The following NRG3 variants were observed in gnomAD, a reference collection of about 807,000 sequenced individuals.
NRG3 encodes pro-neuregulin-3, membrane-bound isoform.
NRG3 carries 31 observed loss-of-function variants against 66.9 expected under a neutral mutation model. The observed-to-expected ratio is 0.46, with a 90% CI of 0.35 to 0.63. The LOEUF is 0.63. Ranked by LOEUF, NRG3 falls within the 20% of genes least tolerant of loss-of-function variation. The pLI is 0.00. For missense variants in NRG3, 910 were observed against 878.9 expected (o/e 1.04, Z -0.45); for synonymous variants, 393 against 359.4 (o/e 1.09, Z -1.06).
At chr10:82,796,528 C>G (rs772961075) in intron 3 of NRG3, among the ~76,000 whole-genome samples, 1 of 151,738 alleles carries the variant, frequency 6.6e-6, no homozygotes, top group Non-Finnish European at 1.5e-5. Context: ...GAGAGAAAAC[C>G]AAAATTTATC....
intron 2 of NRG3, among the ~76,000 whole-genome samples, chr10:82,418,415 A>G (rs894885046): frequency 2.6e-5 from 4 of 152,212 alleles, no homozygotes; most frequent in East Asian, 1.9e-4. Flanking sequence ...CAAATTAACC[A>G]GTTTATGCAA....
At chr10:82,083,215 C>T (rs1006399951) in intron 1 of NRG3, among the ~76,000 whole-genome samples, 2 of 151,972 alleles carry the variant, frequency 1.3e-5, no homozygotes, top group Admixed American at 6.6e-5. Flanking sequence ...GAGTGTTTGG[C>T]TCTGTCCCAT....
chr10:82,329,829 A>T (rs1216328105), intron 1 of NRG3, among the ~76,000 whole-genome samples: 2 of 152,184 alleles, frequency 1.3e-5, no homozygotes, highest in Non-Finnish European at 2.9e-5. Flanking sequence ...GCTACTCAGG[A>T]AGGCCACGCT....
intron 1 of NRG3, among the ~76,000 whole-genome samples, chr10:81,969,434 T>C (rs1366403014): frequency 6.6e-6 from 1 of 152,218 alleles, no homozygotes; most frequent in Non-Finnish European, 1.5e-5. Flanking sequence ...CACATCTGGC[T>C]TTCTTACTGG....
chr10:82,833,278 G>C (rs544742196), intron 3 of NRG3, among the ~76,000 whole-genome samples: 1 of 152,222 alleles, frequency 6.6e-6, no homozygotes, highest in South Asian at 2.1e-4. Context: ...TTTTAATACA[G>C]AACTTCAACA....
intron 2 of NRG3, among the ~76,000 whole-genome samples, chr10:82,528,999 T>C (rs893867442): frequency 1.3e-5 from 2 of 152,178 alleles, no homozygotes; most frequent in African/African-American, 4.8e-5. Flanking sequence ...AACCATGACA[T>C]TTAAATAATC....
chr10:82,135,369 A>G (rs1261951463), intron 1 of NRG3, among the ~76,000 whole-genome samples: 1 of 151,968 alleles, frequency 6.6e-6, no homozygotes, highest in Non-Finnish European at 1.5e-5. Context: ...TTAATTGACT[A>G]TTGATATCTT....
intron 2 of NRG3, among the ~76,000 whole-genome samples, chr10:82,467,045 T>A (rs1307812580): frequency 2.0e-5 from 3 of 152,106 alleles, no homozygotes; most frequent in African/African-American, 7.2e-5. Context: ...AGAGATTCTA[T>A]CAACTTATTT....
chr10:82,650,550 A>G (rs186892565), intron 2 of NRG3, among the ~76,000 whole-genome samples: 1 of 152,168 alleles, frequency 6.6e-6, no homozygotes, highest in African/African-American at 2.4e-5. Flanking sequence ...TTGGTGAGTG[A>G]TTTTTGTTGT....
At chr10:82,861,982 G>A (rs1350324718) in intron 3 of NRG3, among the ~76,000 whole-genome samples, 3 of 152,100 alleles carry the variant, frequency 2.0e-5, no homozygotes, top group Non-Finnish European at 4.4e-5. Context: ...TCTCTCCAAT[G>A]TCCTAGGTAC....
At chr10:82,871,178 T>TATC (rs1314327827) in intron 4 of NRG3, among the ~76,000 whole-genome samples, 2 of 152,180 alleles carry the variant, frequency 1.3e-5, no homozygotes, top group East Asian at 3.8e-4. Flanking sequence ...TTGAAAAGTT[T>TATC]ATCTTTTCTC....
intron 2 of NRG3, among the ~76,000 whole-genome samples, chr10:82,467,905 G>A (rs960236905): frequency 6.6e-6 from 1 of 151,960 alleles, no homozygotes; most frequent in African/African-American, 2.4e-5. Context: ...TTCATGTTGT[G>A]TGTGTGTGTA....
chr10:82,192,333 T>G (rs2074193592), intron 1 of NRG3, among the ~76,000 whole-genome samples: 1 of 152,224 alleles, frequency 6.6e-6, no homozygotes, highest in African/African-American at 2.4e-5. Flanking sequence ...TCAGTGGCAC[T>G]TCACATTTAT....
chr10:82,354,406 T>G (rs1004750040), intron 1 of NRG3, among the ~76,000 whole-genome samples: 10 of 151,536 alleles, frequency 6.6e-5, no homozygotes, highest in Admixed American at 5.9e-4. Context: ...TTTTTTTTTT[T>G]TTTGACAGAG....
At chr10:82,096,129 G>T (rs1643239419) in intron 1 of NRG3, among the ~76,000 whole-genome samples, 1 of 152,134 alleles carries the variant, frequency 6.6e-6, no homozygotes, top group Non-Finnish European at 1.5e-5. Flanking sequence ...CATGGAATCT[G>T]TAAGAAAATG....
intron 1 of NRG3, among the ~76,000 whole-genome samples, chr10:82,044,794 C>A (rs996649540): frequency 6.6e-5 from 10 of 152,064 alleles, no homozygotes; most frequent in African/African-American, 2.2e-4. Context: ...TCAACTCCCA[C>A]CTATGAGTGA....
At chr10:82,953,902 G>A (rs1384474182) in intron 5 of NRG3, among the ~76,000 whole-genome samples, 4 of 150,324 alleles carry the variant, frequency 2.7e-5, no homozygotes, top group African/African-American at 9.9e-5. Context: ...AGGTTGCAGT[G>A]AGCCAAGATC....
chr10:82,933,465 T>C (rs1847776390), intron 4 of NRG3, among the ~76,000 whole-genome samples: 1 of 152,184 alleles, frequency 6.6e-6, no homozygotes, highest in Non-Finnish European at 1.5e-5. Flanking sequence ...TCCTACCCCA[T>C]TATATTTGAA....
intron 2 of NRG3, among the ~76,000 whole-genome samples, chr10:82,714,391 GCT>G (rs1389285662): frequency 1.3e-5 from 2 of 152,294 alleles, no homozygotes; most frequent in East Asian, 3.9e-4. Context: ...GCAGAAAGCA[GCT>G]CTGTTTCAGC....
Sources: allele counts gnomAD v4.1 joint callset (sites outside exome capture counted in the v4.1 genomes callset), GRCh38; gene constraint gnomAD v4.1.1; transcripts MANE v1.5; gene names NCBI Gene and HGNC (gene_info 2026-07-23, HGNC 2026-07-21).